The following MEIOC variants were observed in gnomAD, a reference collection of about 807,000 sequenced individuals.
The protein encoded by MEIOC is meiosis specific with coiled-coil domain, also known as meiosis-specific coiled-coil domain-containing protein MEIOC.
Under a neutral mutation model 85.3 loss-of-function variants are expected in MEIOC, and 9 were observed. That is an observed-to-expected ratio of 0.11 (90% CI 0.06 to 0.18). MEIOC has a LOEUF of 0.18. Ranked by LOEUF, MEIOC falls within the 10% of genes least tolerant of loss-of-function variation. The pLI is 1.00. For missense variants in MEIOC, 898 were observed against 1,129.4 expected (o/e 0.80, Z 2.94); for synonymous variants, 365 against 393.7 (o/e 0.93, Z 0.86).
chr17:44,668,722 A>G (rs186121333), intron 5 of MEIOC, among the ~76,000 whole-genome samples: 27 of 152,314 alleles, frequency 1.8e-4, no homozygotes, highest in African/African-American at 6.3e-4. Flanking sequence ...CTTAAAAACT[A>G]AAAATGGATG....
rs944728842 is a variant in MEIOC at position 44,674,249 on chromosome 17, C to A, written c.*53C>A. The A allele has an allele frequency of 3.4e-5, 50 of 1,487,754 alleles. No individual in the cohort carries two copies. Among genetic ancestry groups the A allele is most frequent in the Non-Finnish European group, 4.3e-5 (48 of 1,118,796 alleles). 92.2% of individuals were successfully genotyped at this position (1,487,754 alleles called of 1,614,324 possible). A position where few individuals can be genotyped will look rare whatever the true frequency, so the allele number is the denominator to read the frequency against. ...AAGCTGATAAATATACCAAGACATG[C>A]TAAAAATGTTTTAATGAACTTGTCA... On this transcript the variant is annotated 3_prime_UTR_variant, in exon 8 of 8. Transcript: ENST00000409122.
At chr17:44,669,689 G>A (rs1302649830) in intron 6 of MEIOC, 172 bp downstream of exon 6, 24 of 584,244 alleles carry the variant, frequency 4.1e-5, no homozygotes, top group Admixed American at 9.3e-5. Flanking sequence ...GTGAAACCCC[G>A]TCTCTACTAA....
chr17:44,663,302 T>TGATGAC (rs1555666697), intron 3 of MEIOC, among the ~76,000 whole-genome samples: 28 of 151,850 alleles, frequency 1.8e-4, no homozygotes, highest in Middle Eastern at 6.8e-3. Flanking sequence ...ATGATGATGA[T>TGATGAC]GATGACGATA....
rs150758576 is a variant in MEIOC at position 44,673,560 on chromosome 17, T to C, written c.2638+14T>C. On this transcript the variant is annotated intron_variant, in intron 7 of 7. Transcript: ENST00000409122. ...AAGATGACAGAGGTACAAATATTAA[T>C]GCATATTCTTGTGATAAGTCAGTGT... 4.2e-4 allele frequency: 647 copies of C among 1,523,822 alleles called. 3 individuals carry two copies. The African/African-American group carries it at 8.4e-3, about 20-fold the overall frequency. 94.4% of individuals were successfully genotyped at this position (1,523,822 alleles called of 1,614,324 possible).
chr17:44,675,659 G>T lies in MEIOC; in HGVS notation c.*1463G>T. 1.0e-6 allele frequency: 1 copy of T among 985,174 alleles called. No homozygotes were observed. The highest frequency in any genetic ancestry group is 1.2e-6 in the Non-Finnish European group (1 of 829,768). The allele number at this position is 985,174 out of a possible 1,614,324, so 61.0% of individuals were successfully genotyped here. ...ACTACCCAAATGAATTACATTGAGG[G>T]TAGTCAAATAAAATAGATCATCTCA... is the stretch of plus-strand genomic sequence containing the variant. On this transcript the variant is annotated 3_prime_UTR_variant, in exon 8 of 8. Transcript: ENST00000409122.
intron 6 of MEIOC, 87 bp from the exon 7 acceptor site, chr17:44,673,279 C>A: frequency 1.1e-6 from 1 of 913,316 alleles, no homozygotes; most frequent in Non-Finnish European, 1.6e-6. Flanking sequence ...TTATTGCTGT[C>A]ATCTCTATTC....
intron 2 of MEIOC, among the ~76,000 whole-genome samples, chr17:44,659,005 T>G (rs993561623): frequency 1.3e-5 from 2 of 152,158 alleles, no homozygotes; most frequent in African/African-American, 4.8e-5. Flanking sequence ...TTCACTTTAC[T>G]CCTTTATTTT....
At chr17:44,671,547 C>CAA (rs201226549) in intron 6 of MEIOC, among the ~76,000 whole-genome samples, 322 of 112,758 alleles carry the variant, frequency 2.9e-3, no homozygotes, top group African/African-American at 9.6e-3. Context: ...GACCCTGTCT[C>CAA]AAAAAAAAAA....
chr17:44,660,054 T>C lies in MEIOC; in HGVS notation c.205-2263T>C, dbSNP rs1490658594. On this transcript the variant is annotated intron_variant, in intron 2 of 7. Coordinates refer to ENST00000409122, the MANE Select transcript of MEIOC (RefSeq NM_001145080.3). ...ATATTTTGAGATTCTTGAAGATGGATGATTGGAAGGTATTTCTTAATGTTC... is the reference window on the plus strand; with the variant it reads ...ATATTTTGAGATTCTTGAAGATGGACGATTGGAAGGTATTTCTTAATGTTC... Among the ~76,000 whole-genome samples the C allele has an allele frequency of 2.0e-5, 3 of 152,244 alleles. No homozygotes were observed. In the South Asian group the frequency reaches 6.2e-4, roughly 32 times the overall value.
chr17:44,656,553 C>G lies in MEIOC; in HGVS notation c.-61C>G, dbSNP rs1403784228. 4 of 1,284,804 alleles carry G rather than the reference C, an allele frequency of 3.1e-6. No individual in the cohort carries two copies. Among genetic ancestry groups the G allele is most frequent in the African/African-American group, 3.1e-5 (2 of 63,626 alleles). The allele number at this position is 1,284,804 out of a possible 1,614,324, so 79.6% of individuals were successfully genotyped here. A position where few individuals can be genotyped will look rare whatever the true frequency, so the allele number is the denominator to read the frequency against. ...CTGAGGGAGCCGGGCCTGGACGCCCCCCCCATCACCCCCGTACCCCAGGAG... is the reference window on the plus strand; with the variant it reads ...CTGAGGGAGCCGGGCCTGGACGCCCGCCCCATCACCCCCGTACCCCAGGAG... On this transcript the variant is annotated 5_prime_UTR_variant, in exon 1 of 8. Coordinates refer to ENST00000409122, the MANE Select transcript of MEIOC (RefSeq NM_001145080.3).
Position 44,657,274 on chromosome 17 carries a change from A to C in MEIOC, c.204+13A>C. The C allele has an allele frequency of 6.5e-7, 1 of 1,547,022 alleles. No homozygotes were observed. Among genetic ancestry groups the C allele is most frequent in the Non-Finnish European group, 8.7e-7 (1 of 1,143,678 alleles). ...CTACACATCGCAGGTCCTTTAGTAA[A>C]CTCTGCCTCTGTTAGACGATTTATT... is the stretch of plus-strand genomic sequence containing the variant. On this transcript the variant is annotated intron_variant, in intron 2 of 7. Transcript: ENST00000409122.
At position 44,675,543 on chromosome 17, in the gene MEIOC, A is replaced by G; in HGVS notation, c.*1347A>G. 1.0e-6 allele frequency: 1 copy of G among 982,826 alleles called. No homozygotes were observed. Among genetic ancestry groups the G allele is most frequent in the Non-Finnish European group, 1.2e-6 (1 of 827,572 alleles). The allele number at this position is 982,826 out of a possible 1,614,324, so 60.9% of individuals were successfully genotyped here. A position where few individuals can be genotyped will look rare whatever the true frequency, so the allele number is the denominator to read the frequency against. On this transcript the variant is annotated 3_prime_UTR_variant, in exon 8 of 8. Coordinates refer to ENST00000409122, the MANE Select transcript of MEIOC (RefSeq NM_001145080.3). ...AAAAAAGAGTGTAATCATACCACAT[A>G]AATTTTCTTTAGATGATGTGCAGAA...
At chr17:44,661,313 AGAT>A (rs1342553487) in intron 2 of MEIOC, among the ~76,000 whole-genome samples, 1 of 149,422 alleles carries the variant, frequency 6.7e-6, no homozygotes, top group Non-Finnish European at 1.5e-5. Context: ...AAAAAAAAAA[AGAT>A]ACTGTATAAA....
chr17:44,656,714 G>T, intron 1 of MEIOC, 32 bp downstream of exon 1: 1 of 1,467,012 alleles, frequency 6.8e-7, no homozygotes, highest in Non-Finnish European at 9.0e-7. Flanking sequence ...GGTCCAGGGG[G>T]CGGCCAGACT....
chr17:44,665,033 C>T, intron 3 of MEIOC: 1 of 582,350 alleles, frequency 1.7e-6, no homozygotes, highest in Non-Finnish European at 2.2e-6. Context: ...ACAAGACTTG[C>T]TTTCAGGAGC....
rs1317511688 is a variant in MEIOC, at chr17:44,669,612, C to A, written c.2457+95C>A. 9 of 1,307,276 alleles carry A rather than the reference C, an allele frequency of 6.9e-6. No homozygotes were observed. The South Asian group carries it at 1.0e-4, about 15-fold the overall frequency. 81.0% of individuals were successfully genotyped at this position (1,307,276 alleles called of 1,614,324 possible). ...TGGTGGCTCACTCCTGTAATCCCAC[C>A]ACTTTGGGAGGCCGAGGCGGGCAGA... On this transcript the variant is annotated intron_variant, in intron 6 of 7. Coordinates refer to ENST00000409122, the MANE Select transcript of MEIOC (RefSeq NM_001145080.3).
chr17:44,658,219 A>G (rs1206528511), intron 2 of MEIOC, among the ~76,000 whole-genome samples: 5 of 144,974 alleles, frequency 3.4e-5, no homozygotes, highest in African/African-American at 1.3e-4. Context: ...CAGTGACGCA[A>G]TCTCCGCTCA....
chr17:44,658,993 A>G (rs1037864120), intron 2 of MEIOC, among the ~76,000 whole-genome samples: 5 of 151,928 alleles, frequency 3.3e-5, no homozygotes, highest in Admixed American at 3.3e-4. Context: ...AAAGGTGAAA[A>G]TTTCACTTTA....
intron 3 of MEIOC, 166 bp from the exon 4 acceptor site, chr17:44,665,218 A>T: frequency 1.0e-6 from 1 of 985,742 alleles, no homozygotes. Context: ...CCACATAAAA[A>T]TATTTATGTA....
Sources: allele counts gnomAD v4.1 joint callset (sites outside exome capture counted in the v4.1 genomes callset), GRCh38; gene constraint gnomAD v4.1.1; transcripts MANE v1.5; gene names NCBI Gene and HGNC (gene_info 2026-07-23, HGNC 2026-07-21).